The following ZFYVE26 variants were observed in gnomAD, a reference collection of about 807,000 sequenced individuals.
The protein encoded by ZFYVE26 is zinc finger FYVE domain-containing protein 26.
ZFYVE26 carries 181 observed loss-of-function variants against 276.5 expected under a neutral mutation model. The observed-to-expected ratio is 0.65, with a 90% CI of 0.58 to 0.74. ZFYVE26 has a LOEUF of 0.74. Ranked by LOEUF, ZFYVE26 falls within the 30% of genes least tolerant of loss-of-function variation. ZFYVE26 has a pLI of 0.00. For synonymous variants in ZFYVE26, 1,129 were observed against 1,203.1 expected (o/e 0.94, Z 1.27); for missense variants, 2,821 against 3,097.9 (o/e 0.91, Z 2.12).
chr14:67,808,019 A>G (rs1004033413), intron 4 of ZFYVE26, 99 bp from the exon 5 acceptor site: 1 of 1,394,200 alleles, frequency 7.2e-7, no homozygotes, highest in African/African-American at 1.4e-5. Context: ...TACTTATATA[A>G]TAGTGGCGGT....
chr14:67,809,532 C>T (rs1038197235), intron 3 of ZFYVE26, among the ~76,000 whole-genome samples: 8 of 150,034 alleles, frequency 5.3e-5, no homozygotes, highest in Admixed American at 1.3e-4. Context: ...AAGCGATTCT[C>T]AGGCCTCAGC....
At chr14:67,734,029 T>C in intron 13 of ZFYVE26, 1 of 551,738 alleles carries the variant, frequency 1.8e-6, no homozygotes, top group Non-Finnish European at 3.4e-6. Flanking sequence ...GAGACTGGCT[T>C]ATGGCATGAG....
intron 3 of ZFYVE26, among the ~76,000 whole-genome samples, chr14:67,812,502 G>A (rs1356631647): frequency 6.6e-6 from 1 of 152,164 alleles, no homozygotes; most frequent in Non-Finnish European, 1.5e-5. Context: ...GATAATGACT[G>A]GACTTGGAAA....
chr14:67,815,834 C>A lies in ZFYVE26; in HGVS notation c.130G>T (p.Gly44Trp). 1 of 1,614,138 alleles carries A rather than the reference C, an allele frequency of 6.2e-7. No individual in the cohort carries two copies. The highest frequency in any genetic ancestry group is 1.1e-5 in the South Asian group (1 of 91,078). ...ACVPQLQEGQ[G>W]DIPKRVEDIL... ...TCTTCTACCCTCTTTGGGATATCCCCTTGTCCCTCCTGTAGCTGAGGTACA... is the reference window on the plus strand; with the variant it reads ...TCTTCTACCCTCTTTGGGATATCCCATTGTCCCTCCTGTAGCTGAGGTACA... Residue 44 changes from glycine to tryptophan, a missense_variant, in exon 2 of 42, where the codon GGG becomes TGG. Gly to Trp is a radical substitution (Grantham distance 184). Coordinates refer to ENST00000347230, the MANE Select transcript of ZFYVE26 (RefSeq NM_015346.4).
intron 13 of ZFYVE26, among the ~76,000 whole-genome samples, chr14:67,730,069 G>A (rs2140152905): frequency 6.6e-6 from 1 of 152,318 alleles, no homozygotes; most frequent in South Asian, 2.1e-4. Context: ...AATAGCTAAT[G>A]TTGCTTGAGT....
In ZFYVE26 at chr14:67,807,893, C is replaced by T; in HGVS notation, c.391G>A (p.Ala131Thr). The change falls in exon 5 of 42, where the codon GCA becomes ACA. Residue 131 changes from alanine (A) to threonine (T), a missense_variant. Ala to Thr is a moderately conservative substitution (Grantham distance 58, BLOSUM62 0). Coordinates refer to ENST00000347230, the MANE Select transcript of ZFYVE26 (RefSeq NM_015346.4). ...TTTCCGTCAGGCACGTGGCCTACTG[C>T]ACCCTGTGTTAAGGTCTCATACAGC... is the stretch of plus-strand genomic sequence containing the variant. ...EELYETLTQGAVGHVPDGNPR... is the reference protein window; with the variant it reads ...EELYETLTQGTVGHVPDGNPR... The T allele has an allele frequency of 3.7e-6, 6 of 1,614,122 alleles. No homozygotes were observed. Among genetic ancestry groups the T allele is most frequent in the South Asian group, 1.1e-5 (1 of 91,076 alleles).
At position 67,794,259 on chromosome 14, in the gene ZFYVE26, G is replaced by A; in HGVS notation, c.2333-20C>T. On this transcript the variant is annotated intron_variant, in intron 12 of 41. Transcript: ENST00000347230. The stretch of plus-strand genomic sequence containing the variant: ...GGCCATCTACAGGTATTGGGAAGAA[G>A]AGAGAAAGTCAATTATCAGCTCCTT... 1 of 1,612,232 alleles carries A rather than the reference G, an allele frequency of 6.2e-7. No individual in the cohort carries two copies. Among genetic ancestry groups the A allele is most frequent in the Non-Finnish European group, 8.5e-7 (1 of 1,178,222 alleles).
At chr14:67,810,172 G>T (rs771257765) in intron 3 of ZFYVE26, among the ~76,000 whole-genome samples, 1 of 152,194 alleles carries the variant, frequency 6.6e-6, no homozygotes, top group African/African-American at 2.4e-5. Context: ...CTGATCAGCC[G>T]TAAGTTCCAA....
At chr14:67,754,974 G>A in intron 37 of ZFYVE26, 77 bp downstream of exon 37, 1 of 1,489,540 alleles carries the variant, frequency 6.7e-7, no homozygotes, top group Non-Finnish European at 9.4e-7. Context: ...GAATGGACAA[G>A]AGTAGCTTCA....
chr14:67,757,441 A>G (rs896682764), intron 35 of ZFYVE26, among the ~76,000 whole-genome samples: 1 of 152,084 alleles, frequency 6.6e-6, no homozygotes, highest in Non-Finnish European at 1.5e-5. Context: ...TGCCTTCCCC[A>G]TAGATCTGCA....
At position 67,786,261 on chromosome 14, in the gene ZFYVE26, G is replaced by GAAA. The variant is rs757797866; in HGVS notation, c.3020-29_3020-28insTTT. 17 of 517,090 alleles carry GAAA rather than the reference G, an allele frequency of 3.3e-5. No individual in the cohort carries two copies. The African/African-American group carries it at 4.2e-4, about 13-fold the overall frequency. 32.0% of individuals were successfully genotyped at this position (517,090 alleles called of 1,614,324 possible). A position where few individuals can be genotyped will look rare whatever the true frequency, so the allele number is the denominator to read the frequency against. On this transcript the variant is annotated intron_variant, in intron 16 of 41. Coordinates refer to ENST00000347230, the MANE Select transcript of ZFYVE26 (RefSeq NM_015346.4). ...GGAAATAGATGAAGGAAGAGGGAATGCAAAAAAAAAAAATTGAAGTGTTTT... is the reference window on the plus strand; with the variant it reads ...GGAAATAGATGAAGGAAGAGGGAATGAAACAAAAAAAAAAAATTGAAGTGTTTT...
At chr14:67,799,667 G>A in intron 10 of ZFYVE26, 1 of 1,244,474 alleles carries the variant, frequency 8.0e-7, no homozygotes, top group Non-Finnish European at 1.2e-6. Context: ...TAGGCAAGGT[G>A]CTGGCAAGAT....
chr14:67,780,390 C>T, intron 22 of ZFYVE26, 45 bp from the exon 23 acceptor site: 1 of 1,540,946 alleles, frequency 6.5e-7, no homozygotes, highest in Non-Finnish European at 8.9e-7. Context: ...TGCAGCTTCT[C>T]CCTCCATGAA....
At chr14:67,776,183 A>AG in intron 25 of ZFYVE26, 77 bp from the exon 26 acceptor site, 2 of 1,599,612 alleles carry the variant, frequency 1.3e-6, no homozygotes, top group East Asian at 4.5e-5. Flanking sequence ...CTCACTGGGA[A>AG]GGGGAAGGGT....
At chr14:67,772,255 C>T (rs1424740599) in intron 27 of ZFYVE26, 45 bp from the exon 28 acceptor site, 1 of 1,586,218 alleles carries the variant, frequency 6.3e-7, no homozygotes, top group Non-Finnish European at 8.6e-7. Flanking sequence ...AATCAATATA[C>T]CAGCTTATAG....
chr14:67,810,717 T>C (rs1185015118), intron 3 of ZFYVE26, among the ~76,000 whole-genome samples: 2 of 152,162 alleles, frequency 1.3e-5, no homozygotes, highest in East Asian at 3.9e-4. Context: ...AGTCTCCCCT[T>C]TTCCAGACAC....
At chr14:67,735,047 T>C (rs1187024678) in intron 13 of ZFYVE26, 1 of 664,458 alleles carries the variant, frequency 1.5e-6, no homozygotes, top group Non-Finnish European at 2.7e-6. Flanking sequence ...GATTATTAGA[T>C]GCACTTACAA....
intron 37 of ZFYVE26, 111 bp from the exon 38 acceptor site, chr14:67,754,323 A>G (rs2038723172): frequency 1.4e-6 from 2 of 1,451,594 alleles, no homozygotes; most frequent in Non-Finnish European, 1.9e-6. Flanking sequence ...AACAAATGAT[A>G]TAGTGGGAAA....
chr14:67,748,556 A>G lies in ZFYVE26; in HGVS notation c.7500T>C (p.Leu2500=), dbSNP rs1395553642. 1 of 1,614,058 alleles carries G rather than the reference A, an allele frequency of 6.2e-7. No homozygotes were observed. Among genetic ancestry groups the G allele is most frequent in the Non-Finnish European group, 8.5e-7 (1 of 1,180,032 alleles). The change falls in exon 42 of 42, where the codon CTT becomes CTC. Residue 2500 remains leucine, a synonymous_variant. Coordinates refer to ENST00000347230, the MANE Select transcript of ZFYVE26 (RefSeq NM_015346.4). ...VKQEHSRATA[L]VQQVQQAAKS... is the part of the protein sequence containing the mutation. ...TGGCGGCCTGCTGCACCTGCTGGAC[A>G]AGGGCTGTGGCCCGTGAGTGTTCTT...
Sources: gnomAD v4.1 joint callset for allele counts (sites outside exome capture counted in the v4.1 genomes callset) on GRCh38, gnomAD v4.1.1 for gene constraint, MANE v1.5 for transcripts, NCBI Gene and HGNC (gene_info 2026-07-23, HGNC 2026-07-21) for gene names.